Variants in PHF20 observed in about 807,000 individuals in gnomAD.
PHF20 encodes the protein glioma-expressed antigen 2.
Under a neutral mutation model 113.5 loss-of-function variants are expected in PHF20, and 23 were observed. The ratio of observed to expected loss-of-function variants is 0.20; its 90% CI spans 0.15 to 0.29. The LOEUF is 0.29. PHF20 is among the 10% of genes least tolerant of loss of function. The probability of loss-of-function intolerance (pLI) is 1.00; values close to 1 mark genes in which losing one functional copy is unlikely to be tolerated. For synonymous variants in PHF20, 434 were observed against 457.3 expected, an observed-to-expected ratio of 0.95 and a Z score of 0.65; for missense variants, 943 against 1,219.6, an observed-to-expected ratio of 0.77 and a Z score of 3.38.
At chr20:35,857,218 G>A (rs981369835) in intron 4 of PHF20, among the ~76,000 whole-genome samples, 5 of 152,188 alleles carry the variant, frequency 3.3e-5, no homozygotes, top group African/African-American at 1.2e-4. Context: ...GGGCAAAAAT[G>A]GGTGGGGCAT....
At chr20:35,791,260 GCCTTA>G (rs2041541389) in intron 1 of PHF20, among the ~76,000 whole-genome samples, 1 of 152,072 alleles carries the variant, frequency 6.6e-6, no homozygotes, top group Admixed American at 6.6e-5. Flanking sequence ...ACTGGAGTCA[GCCTTA>G]CCTCGGTTCA....
chr20:35,774,011 T>G (rs1238288810), intron 1 of PHF20, among the ~76,000 whole-genome samples: 1 of 152,058 alleles, frequency 6.6e-6, no homozygotes, highest in East Asian at 1.9e-4. Flanking sequence ...CCTTGGATAC[T>G]CTTTTTGTTC....
Position 35,917,518 on chromosome 20 carries a change from C to T in PHF20, c.1860C>T (p.Ser620=). The T allele has an allele frequency of 6.2e-7, 1 of 1,614,040 alleles. No homozygotes were observed. Among genetic ancestry groups the T allele is most frequent in the South Asian group, 1.1e-5 (1 of 91,052 alleles). ...EDNLSESSSE[S]FLWSDDEYGQ... Reference sequence around the variant, plus strand: ...ATTTGAGTGAGTCCTCTTCTGAGAGCTTTCTCTGGAGTGATGATGAGTATG... The same window carrying T: ...ATTTGAGTGAGTCCTCTTCTGAGAGTTTTCTCTGGAGTGATGATGAGTATG... Residue 620 remains serine (S), a synonymous_variant, in exon 13 of 18, where the codon AGC becomes AGT. Coordinates refer to ENST00000374012, the MANE Select transcript of PHF20 (RefSeq NM_016436.5).
chr20:35,899,680 A>G (rs577965018), intron 10 of PHF20, 32 bp downstream of exon 10: 11 of 1,606,026 alleles, frequency 6.8e-6, no homozygotes, highest in South Asian at 6.7e-5. Context: ...TGTGTCATGG[A>G]TGGCTCAGTT....
At position 35,941,057 on chromosome 20, in the gene PHF20, C is replaced by T. The variant is rs775670721; in HGVS notation, c.2896+10C>T. ...GAGAAGGAGTTGGATGGTAGGGCTC[C>T]TTCATTGGCCCCCTGTGCATTGGCA... On this transcript the variant is annotated intron_variant, in intron 17 of 17. Coordinates refer to ENST00000374012, the MANE Select transcript of PHF20 (RefSeq NM_016436.5). 1.2e-6 allele frequency: 2 copies of T among 1,608,844 alleles called. No individual in the cohort carries two copies. Among genetic ancestry groups the T allele is most frequent in the Non-Finnish European group, 1.7e-6 (2 of 1,176,590 alleles).
intron 3 of PHF20, 60 bp from the exon 4 acceptor site, chr20:35,847,290 T>A: frequency 8.8e-7 from 1 of 1,130,374 alleles, no homozygotes; most frequent in East Asian, 2.4e-5. Flanking sequence ...TGGTATGTCC[T>A]GTATGTCCTG....
chr20:35,868,458 A>AAT (rs2054357558), intron 6 of PHF20, among the ~76,000 whole-genome samples: 1 of 148,358 alleles, frequency 6.7e-6, no homozygotes, highest in African/African-American at 2.5e-5. Flanking sequence ...AAAAAAAAAA[A>AAT]TTTTGCTAGG....
At chr20:35,931,615 T>C (rs2055755302) in intron 15 of PHF20, among the ~76,000 whole-genome samples, 171 bp downstream of exon 15, 1 of 152,008 alleles carries the variant, frequency 6.6e-6, no homozygotes, top group African/African-American at 2.4e-5. Context: ...AAAAAAAAAC[T>C]TTATTGAGTA....
At chr20:35,928,926 GT>G (rs2055697802) in intron 14 of PHF20, among the ~76,000 whole-genome samples, 1 of 152,210 alleles carries the variant, frequency 6.6e-6, no homozygotes, top group Non-Finnish European at 1.5e-5. Flanking sequence ...GGCTATAGGG[GT>G]CACCTGTGGC....
intron 2 of PHF20, among the ~76,000 whole-genome samples, chr20:35,803,704 G>GTGTGTA (rs149989446): frequency 5.3e-5 from 8 of 149,700 alleles, no homozygotes; most frequent in South Asian, 2.1e-4. Flanking sequence ...GTGTGTGTGT[G>GTGTGTA]TATATATATA....
At chr20:35,855,214 C>T (rs2042804435) in intron 4 of PHF20, 23 of 1,292,036 alleles carry the variant, frequency 1.8e-5, no homozygotes, top group Non-Finnish European at 2.1e-5. Context: ...AATTCCATAG[C>T]ATTGTTTATC....
intron 2 of PHF20, among the ~76,000 whole-genome samples, chr20:35,814,403 G>A (rs912677963): frequency 2.0e-5 from 3 of 151,494 alleles, no homozygotes; most frequent in Non-Finnish European, 2.9e-5. Flanking sequence ...TTTTAGTAGA[G>A]ATGGGGTTTC....
intron 3 of PHF20, among the ~76,000 whole-genome samples, chr20:35,846,562 G>GT (rs1434936828): frequency 6.6e-5 from 10 of 152,212 alleles, no homozygotes; most frequent in Non-Finnish European, 1.5e-5. Flanking sequence ...CCCTTTAGAA[G>GT]TGTAGATGGC....
chr20:35,883,705 G>A (rs566892390), intron 9 of PHF20, among the ~76,000 whole-genome samples: 2 of 152,330 alleles, frequency 1.3e-5, no homozygotes, highest in South Asian at 4.1e-4. Context: ...GCTTCCCAAA[G>A]TGCTGGAATT....
intron 3 of PHF20, among the ~76,000 whole-genome samples, chr20:35,846,624 A>G (rs918780962): frequency 2.6e-5 from 4 of 152,158 alleles, no homozygotes; most frequent in African/African-American, 7.2e-5. Flanking sequence ...TCTGACTCCT[A>G]TACTGGATGT....
intron 2 of PHF20, among the ~76,000 whole-genome samples, chr20:35,808,167 A>G (rs2041916692): frequency 6.6e-6 from 1 of 152,180 alleles, no homozygotes; most frequent in Non-Finnish European, 1.5e-5. Context: ...TACATAGACC[A>G]TCATGTATCT....
intron 1 of PHF20, among the ~76,000 whole-genome samples, chr20:35,790,258 T>C (rs2041518180): frequency 6.6e-6 from 1 of 151,748 alleles, no homozygotes; most frequent in South Asian, 2.1e-4. Flanking sequence ...TGGAGTGCAA[T>C]GGTGTGATCC....
intron 2 of PHF20, among the ~76,000 whole-genome samples, chr20:35,810,357 C>T (rs1033988737): frequency 3.3e-5 from 5 of 152,174 alleles, no homozygotes; most frequent in Admixed American, 3.3e-4. Context: ...ACCTGTTTTA[C>T]ATGTATTTAC....
chr20:35,878,523 A>G, intron 9 of PHF20: 1 of 639,238 alleles, frequency 1.6e-6, no homozygotes. Context: ...AAACTTATTC[A>G]AAAAGCTAAA....
Sources: allele counts gnomAD v4.1 joint callset (sites outside exome capture counted in the v4.1 genomes callset), GRCh38; gene constraint gnomAD v4.1.1; transcripts MANE v1.5; gene names NCBI Gene and HGNC (gene_info 2026-07-23, HGNC 2026-07-21).